Variants in RERG observed in about 807,000 individuals in gnomAD.
The protein encoded by RERG is RAS like estrogen regulated growth inhibitor, also known as ras-related and estrogen-regulated growth inhibitor.
A neutral mutation model predicts 23.2 loss-of-function variants in RERG; 25 were observed. The ratio of observed to expected loss-of-function variants is 1.08; its 90% CI spans 0.79 to 1.50. The LOEUF is 1.50. Ranked by LOEUF, RERG falls within the 40% of genes most tolerant of loss-of-function variation. The probability of loss-of-function intolerance (pLI) is 0.00; values close to 1 mark genes in which losing one functional copy is unlikely to be tolerated. For missense variants in RERG, 253 were observed against 250.1 expected (o/e 1.01, Z -0.08); for synonymous variants, 81 against 89.1 (o/e 0.91, Z 0.51).
intron 2 of RERG, among the ~76,000 whole-genome samples, chr12:15,208,620 A>T (rs1865325236): frequency 6.6e-6 from 1 of 152,164 alleles, no homozygotes; most frequent in Non-Finnish European, 1.5e-5. Flanking sequence ...ATATGCAGGG[A>T]TACCAGATCA....
chr12:15,168,065 G>T (rs1375277324), intron 2 of RERG, among the ~76,000 whole-genome samples: 1 of 152,026 alleles, frequency 6.6e-6, no homozygotes, highest in African/African-American at 2.4e-5. Context: ...CCTTTTTGTT[G>T]GGACACTCAA....
chr12:15,200,420 T>C (rs1046585615), intron 2 of RERG, among the ~76,000 whole-genome samples: 8 of 152,024 alleles, frequency 5.3e-5, no homozygotes, highest in African/African-American at 1.7e-4. Flanking sequence ...AATGAAAACA[T>C]AGCAACCATA....
intron 2 of RERG, among the ~76,000 whole-genome samples, chr12:15,188,589 AATATAT>A (rs1242477489): frequency 6.6e-6 from 1 of 152,200 alleles, no homozygotes; most frequent in African/African-American, 2.4e-5. Context: ...ATAAAGATGT[AATATAT>A]TTTTCATATT....
chr12:15,172,068 C>T (rs921102731), intron 2 of RERG, among the ~76,000 whole-genome samples: 2 of 152,110 alleles, frequency 1.3e-5, no homozygotes, highest in Admixed American at 6.6e-5. Flanking sequence ...CAACCATCAA[C>T]ACAGTCTAAT....
intron 2 of RERG, among the ~76,000 whole-genome samples, chr12:15,140,923 T>A (rs1864227785): frequency 6.6e-6 from 1 of 152,154 alleles, no homozygotes; most frequent in Admixed American, 6.5e-5. Context: ...TTCTCTGAGC[T>A]TTTAGATGTG....
chr12:15,149,915 C>G (rs1349542465), intron 2 of RERG, among the ~76,000 whole-genome samples: 1 of 152,228 alleles, frequency 6.6e-6, no homozygotes, highest in Non-Finnish European at 1.5e-5. Flanking sequence ...TCATGTCATA[C>G]TTTCCTTTGC....
chr12:15,154,508 T>C (rs1864492829), intron 2 of RERG, among the ~76,000 whole-genome samples: 2 of 152,242 alleles, frequency 1.3e-5, no homozygotes, highest in Non-Finnish European at 2.9e-5. Flanking sequence ...GGATTGATTG[T>C]ATTTCATTTT....
At chr12:15,122,586 C>G (rs1863851791) in intron 2 of RERG, among the ~76,000 whole-genome samples, 1 of 152,130 alleles carries the variant, frequency 6.6e-6, no homozygotes, top group Non-Finnish European at 1.5e-5. Context: ...GTAATACTTC[C>G]CACAGTGACT....
intron 3 of RERG, among the ~76,000 whole-genome samples, chr12:15,117,956 G>A (rs1210025118): frequency 3.3e-5 from 5 of 152,072 alleles, no homozygotes; most frequent in Non-Finnish European, 4.4e-5. Flanking sequence ...ATAGACATCT[G>A]TGTGCTGGCC....
intron 2 of RERG, among the ~76,000 whole-genome samples, chr12:15,184,943 C>T (rs1864969841): frequency 6.6e-6 from 1 of 152,038 alleles, no homozygotes; most frequent in African/African-American, 2.4e-5. Context: ...TAAAACATTC[C>T]AATGGAAAGT....
chr12:15,201,795 G>C (rs1865221390), intron 2 of RERG, among the ~76,000 whole-genome samples: 2 of 151,112 alleles, frequency 1.3e-5, no homozygotes, highest in Non-Finnish European at 3.0e-5. Context: ...ACTTGATTTT[G>C]GTCCATAAAA....
chr12:15,116,966 G>C (rs1283108734), intron 3 of RERG, among the ~76,000 whole-genome samples: 1 of 152,046 alleles, frequency 6.6e-6, no homozygotes, highest in Non-Finnish European at 1.5e-5. Context: ...AGAAAAATAT[G>C]AGTTTCAAAA....
intron 2 of RERG, among the ~76,000 whole-genome samples, chr12:15,181,272 G>GA (rs943211704): frequency 3.9e-5 from 6 of 152,146 alleles, no homozygotes; most frequent in Admixed American, 6.5e-5. Flanking sequence ...TCTTCATCTT[G>GA]AAAAATCTTA....
At chr12:15,130,058 C>T (rs1466388741) in intron 2 of RERG, among the ~76,000 whole-genome samples, 2 of 152,156 alleles carry the variant, frequency 1.3e-5, no homozygotes, top group East Asian at 3.8e-4. Context: ...GAACATAAGA[C>T]ATTAATGAAA....
intron 2 of RERG, among the ~76,000 whole-genome samples, chr12:15,165,206 G>A (rs1187912250): frequency 6.6e-6 from 1 of 152,112 alleles, no homozygotes; most frequent in Non-Finnish European, 1.5e-5. Context: ...TCTTTGAGCG[G>A]CGACCACTCA....
intron 2 of RERG, among the ~76,000 whole-genome samples, chr12:15,187,564 T>C (rs1404108269): frequency 1.2e-5 from 1 of 81,598 alleles, no homozygotes; most frequent in East Asian, 3.5e-4. Flanking sequence ...TCTGAGAACC[T>C]TTTTTTTTTT....
intron 2 of RERG, among the ~76,000 whole-genome samples, chr12:15,129,207 G>T (rs1436172809): frequency 2.0e-5 from 3 of 151,466 alleles, no homozygotes; most frequent in Non-Finnish European, 2.9e-5. Context: ...CAAAGGAGAT[G>T]AAAAACTATT....
chr12:15,194,533 A>G (rs1413331302), intron 2 of RERG, among the ~76,000 whole-genome samples: 1 of 152,008 alleles, frequency 6.6e-6, no homozygotes, highest in African/African-American at 2.4e-5. Context: ...TTGGTGTTCA[A>G]TGAAATCTCT....
At chr12:15,124,150 A>C (rs1232007751) in intron 2 of RERG, among the ~76,000 whole-genome samples, 1 of 152,162 alleles carries the variant, frequency 6.6e-6, no homozygotes. Flanking sequence ...AAGTCACTTA[A>C]TGTAATCATT....
Sources: gnomAD v4.1 joint callset for allele counts (sites outside exome capture counted in the v4.1 genomes callset) on GRCh38, gnomAD v4.1.1 for gene constraint, MANE v1.5 for transcripts, NCBI Gene and HGNC (gene_info 2026-07-23, HGNC 2026-07-21) for gene names.